Variants in PSMD1 observed in about 807,000 individuals in gnomAD.
PSMD1 encodes 26S proteasome non-ATPase regulatory subunit 1.
PSMD1 carries 18 observed loss-of-function variants against 119.0 expected under a neutral mutation model. That is an observed-to-expected ratio of 0.15 (90% CI 0.10 to 0.22). PSMD1 has a LOEUF of 0.22. Among genes scored for constraint, PSMD1 ranks in the 10% least tolerant of loss-of-function variants. PSMD1 has a pLI of 1.00. For missense variants in PSMD1, 702 were observed against 1,158.5 expected (o/e 0.61, Z 5.72); for synonymous variants, 374 against 396.6 (o/e 0.94, Z 0.68).
At chr2:231,117,866 AG>A (rs1356972550) in intron 16 of PSMD1, among the ~76,000 whole-genome samples, 1 of 152,040 alleles carries the variant, frequency 6.6e-6, no homozygotes, top group Admixed American at 6.5e-5. Flanking sequence ...ACTTGTCCCT[AG>A]GGGGGAAAAA....
intron 16 of PSMD1, among the ~76,000 whole-genome samples, chr2:231,107,125 G>A (rs890795986): frequency 9.9e-5 from 15 of 152,070 alleles, no homozygotes; most frequent in Admixed American, 7.9e-4. Context: ...TGATGATTTA[G>A]GAATTAAATG....
Position 231,170,561 on chromosome 2 carries a change from TC to T in PSMD1, c.2716-3del. 1.9e-6 allele frequency: 3 copies of T among 1,608,588 alleles called. No individual in the cohort carries two copies. The highest frequency in any genetic ancestry group is 2.5e-6 in the Non-Finnish European group (3 of 1,177,984). On this transcript the variant is annotated splice_polypyrimidine_tract_variant and splice_region_variant and intron_variant, in intron 23 of 24. Transcript: ENST00000308696. This position sits in a 1 kb window ranked among gnomAD's most constrained non-coding sequence, Gnocchi z 4.1. ...GTACGCTTCTGCACGCCCCTGTGTT[TC>T]CAGCTCTCTATTGGAGGCATCATCA...
At chr2:231,080,846 AAAGATTG>A (rs1330018478) in intron 12 of PSMD1, among the ~76,000 whole-genome samples, 2 of 152,188 alleles carry the variant, frequency 1.3e-5, no homozygotes, top group Admixed American at 1.3e-4. Context: ...GCATAAGTGA[AAAGATTG>A]AAGCCAGGGC....
intron 4 of PSMD1, among the ~76,000 whole-genome samples, chr2:231,064,976 A>T (rs1335636866): frequency 6.6e-6 from 1 of 151,588 alleles, no homozygotes; most frequent in East Asian, 1.9e-4. Context: ...TGTTCTTATT[A>T]ACTGTACCTG....
At chr2:231,113,652 A>G (rs1340834246) in intron 16 of PSMD1, 1 of 1,296,402 alleles carries the variant, frequency 7.7e-7, no homozygotes, top group Non-Finnish European at 1.1e-6. Context: ...TTCATTGCCT[A>G]CCAGACCTGG....
At chr2:231,160,548 T>C (rs748135172) in intron 19 of PSMD1, among the ~76,000 whole-genome samples, 38 of 152,210 alleles carry the variant, frequency 2.5e-4, no homozygotes, top group Non-Finnish European at 4.7e-4. Flanking sequence ...ATTATAAATA[T>C]GTATTTGCAT....
chr2:231,109,554 A>C, intron 16 of PSMD1: 1 of 702,900 alleles, frequency 1.4e-6, no homozygotes, highest in East Asian at 2.7e-5. Flanking sequence ...TTGTCGAAGC[A>C]TTCATCAGTG....
In PSMD1 at chr2:231,082,800, GA is replaced by G. The variant is rs1694342760; in HGVS notation, c.1414-80del. 23 of 1,021,400 alleles carry G rather than the reference GA, an allele frequency of 2.3e-5. No homozygotes were observed. In the South Asian group the frequency reaches 3.2e-4, roughly 14 times the overall value. 63.3% of individuals were successfully genotyped at this position (1,021,400 alleles called of 1,614,324 possible). ...GAGCCAACCTCTGCATATTTAATGT[GA>G]AACTGTATTTTGAAATTAGAATAAA... is the stretch of plus-strand genomic sequence containing the variant. On this transcript the variant is annotated intron_variant, in intron 12 of 24. Coordinates refer to ENST00000308696, the MANE Select transcript of PSMD1 (RefSeq NM_002807.4).
chr2:231,116,036 T>C (rs974573859), intron 16 of PSMD1, among the ~76,000 whole-genome samples: 2 of 152,098 alleles, frequency 1.3e-5, no homozygotes, highest in African/African-American at 2.4e-5. Flanking sequence ...GAATGTCTCA[T>C]GGAAAGGAAC....
chr2:231,143,469 C>T (rs1466748376), intron 17 of PSMD1, among the ~76,000 whole-genome samples: 1 of 149,704 alleles, frequency 6.7e-6, no homozygotes, highest in African/African-American at 2.5e-5. Context: ...ACCTCGTGAT[C>T]CACCTGCCTC....
intron 16 of PSMD1, among the ~76,000 whole-genome samples, chr2:231,130,270 C>CT (rs976358757): frequency 2.0e-5 from 3 of 152,268 alleles, no homozygotes; most frequent in African/African-American, 7.2e-5. Flanking sequence ...AGTAAATATA[C>CT]TTTTTTCTGT....
At chr2:231,106,779 A>C (rs1694987595) in intron 16 of PSMD1, among the ~76,000 whole-genome samples, 1 of 152,146 alleles carries the variant, frequency 6.6e-6, no homozygotes. Context: ...TTTGATCTAG[A>C]TTGTTATCTA....
rs1451093404 is a variant in PSMD1, at chr2:231,070,120, T to G, written c.606T>G (p.Val202=). 1 of 1,571,204 alleles carries G rather than the reference T, an allele frequency of 6.4e-7. No individual in the cohort carries two copies. The highest frequency in any genetic ancestry group is 1.4e-5 in the African/African-American group (1 of 72,970). Residue 202 remains valine, a synonymous_variant, in exon 6 of 25, where the codon GTT becomes GTG. Coordinates refer to ENST00000308696, the MANE Select transcript of PSMD1 (RefSeq NM_002807.4). Reference sequence around the variant, plus strand: ...GGAATAAAGTACTAAGAGTTCTAGTTAAAATCTACATGAACTTGGAGAAAC... The same window carrying G: ...GGAATAAAGTACTAAGAGTTCTAGTGAAAATCTACATGAACTTGGAGAAAC... The part of the protein sequence containing the change: ...QFRNKVLRVL[V]KIYMNLEKPD...
At chr2:231,141,213 A>G (rs973106289) in intron 17 of PSMD1, among the ~76,000 whole-genome samples, 1 of 151,754 alleles carries the variant, frequency 6.6e-6, no homozygotes. Flanking sequence ...CTGAGGCAGA[A>G]TTGCTTGAAC....
intron 1 of PSMD1, among the ~76,000 whole-genome samples, chr2:231,057,468 A>T (rs1242679587): frequency 6.6e-6 from 1 of 152,184 alleles, no homozygotes; most frequent in African/African-American, 2.4e-5. Flanking sequence ...GGGCAGCCTA[A>T]CTGCTACAGA....
At chr2:231,113,714 G>T (rs750741971) in intron 16 of PSMD1, 1 of 1,606,216 alleles carries the variant, frequency 6.2e-7, no homozygotes, top group Non-Finnish European at 8.5e-7. Flanking sequence ...CCACACTCTG[G>T]CATTCTCTAC....
chr2:231,139,558 TAAAAAAAAA>T (rs35924284), intron 17 of PSMD1, among the ~76,000 whole-genome samples: 1 of 114,346 alleles, frequency 8.7e-6, no homozygotes, highest in Non-Finnish European at 1.7e-5. Context: ...ATTGATTTCT[TAAAAAAAAA>T]AAAAAAAAGA....
intron 16 of PSMD1, among the ~76,000 whole-genome samples, chr2:231,102,116 T>A (rs1049753368): frequency 6.6e-6 from 1 of 152,088 alleles, no homozygotes; most frequent in Non-Finnish European, 1.5e-5. Context: ...ACCCATTGGG[T>A]CTGGCTATGT....
chr2:231,058,536 A>G (rs1489541413), intron 1 of PSMD1, among the ~76,000 whole-genome samples: 3 of 140,840 alleles, frequency 2.1e-5, no homozygotes, highest in Non-Finnish European at 4.6e-5. Context: ...TTTTTTTTTT[A>G]AGCTCATTAG....
Sources: gnomAD v4.1 joint callset for allele counts (sites outside exome capture counted in the v4.1 genomes callset) on GRCh38, gnomAD v4.1.1 for gene constraint, Gnocchi (gnomAD v3.1) non-coding constraint, MANE v1.5 for transcripts, NCBI Gene and HGNC (gene_info 2026-07-23, HGNC 2026-07-21) for gene names.